Variants in KSR2 observed in about 807,000 individuals in gnomAD.
The protein encoded by KSR2 is kinase suppressor of ras 2.
A neutral mutation model predicts 107.8 loss-of-function variants in KSR2; 25 were observed. The ratio of observed to expected loss-of-function variants is 0.23; its 90% CI spans 0.17 to 0.32. The LOEUF (loss-of-function observed/expected upper bound fraction) is 0.32, where lower values mean the gene tolerates loss of function less well. KSR2 is among the 10% of genes least tolerant of loss of function. The pLI is 1.00. For synonymous variants in KSR2, 480 were observed against 507.0 expected (o/e 0.95, Z 0.71); for missense variants, 887 against 1,268.9 (o/e 0.70, Z 4.57).
chr12:117,924,060 T>G (rs552891904), intron 1 of KSR2, among the ~76,000 whole-genome samples: 31 of 151,426 alleles, frequency 2.0e-4, no homozygotes, highest in South Asian at 1.5e-3. Flanking sequence ...GTATTCTTAG[T>G]AGAGACGGGG....
chr12:117,936,532 A>G (rs1265596865), intron 1 of KSR2, among the ~76,000 whole-genome samples: 2 of 92,670 alleles, frequency 2.2e-5, no homozygotes, highest in Non-Finnish European at 4.4e-5. Context: ...TATTATTATT[A>G]TTAGTAGTAG....
At chr12:117,644,239 G>A (rs1013523311) in intron 5 of KSR2, among the ~76,000 whole-genome samples, 4 of 152,224 alleles carry the variant, frequency 2.6e-5, no homozygotes, top group South Asian at 2.1e-4. Flanking sequence ...TATGGCCCTA[G>A]CGAGGCCTCT....
At chr12:117,710,704 A>G (rs1886734481) in intron 4 of KSR2, among the ~76,000 whole-genome samples, 1 of 152,172 alleles carries the variant, frequency 6.6e-6, no homozygotes, top group Admixed American at 6.5e-5. Flanking sequence ...GAAGCTATAT[A>G]AAGCTTTTAG....
At chr12:117,778,390 C>G (rs920787168) in intron 3 of KSR2, among the ~76,000 whole-genome samples, 1 of 152,072 alleles carries the variant, frequency 6.6e-6, no homozygotes, top group South Asian at 2.1e-4. Context: ...TGCACCCGGC[C>G]GAAACAATCC....
At chr12:117,551,846 C>A (rs559895366) in intron 9 of KSR2, among the ~76,000 whole-genome samples, 1 of 152,244 alleles carries the variant, frequency 6.6e-6, no homozygotes, top group African/African-American at 2.4e-5. Flanking sequence ...TTTCCCTTAT[C>A]AAATTCTCCT....
At chr12:117,674,286 GGCTGCCGCTGCC>G in intron 4 of KSR2, 1 of 509,328 alleles carries the variant, frequency 2.0e-6, no homozygotes, top group Non-Finnish European at 3.9e-6. Context: ...TTCTCACCTG[GGCTGCCGCTGCC>G]TCCTCGCTGG....
chr12:117,576,655 C>T (rs1371476333), intron 7 of KSR2, among the ~76,000 whole-genome samples: 4 of 149,124 alleles, frequency 2.7e-5, no homozygotes, highest in Non-Finnish European at 5.9e-5. Flanking sequence ...TGCCATCACT[C>T]CTGGCTAATT....
At chr12:117,947,123 G>T (rs927808094) in intron 1 of KSR2, among the ~76,000 whole-genome samples, 1 of 150,548 alleles carries the variant, frequency 6.6e-6, no homozygotes, top group African/African-American at 2.4e-5. Context: ...AGCCCAGATC[G>T]CACCACTATA....
intron 10 of KSR2, among the ~76,000 whole-genome samples, chr12:117,533,774 G>A (rs1007286618): frequency 3.3e-5 from 5 of 152,178 alleles, no homozygotes; most frequent in Non-Finnish European, 7.3e-5. Context: ...TTTGGGCAAC[G>A]GAGAGCAGGA....
chr12:117,874,838 G>C (rs1387886555), intron 1 of KSR2, among the ~76,000 whole-genome samples: 2 of 152,044 alleles, frequency 1.3e-5, no homozygotes, highest in South Asian at 2.1e-4. Flanking sequence ...AAACCCAAAG[G>C]TTCCATCTTC....
At chr12:117,755,893 G>A (rs1193471225) in intron 4 of KSR2, among the ~76,000 whole-genome samples, 1 of 152,194 alleles carries the variant, frequency 6.6e-6, no homozygotes, top group South Asian at 2.1e-4. Context: ...CAGCCTTATT[G>A]CTGATACGGA....
At chr12:117,859,459 TTA>T (rs1219904904) in intron 2 of KSR2, among the ~76,000 whole-genome samples, 2,175 of 131,324 alleles carry the variant, frequency 0.017, 50 homozygotes, top group African/African-American at 0.065. Flanking sequence ...TGTTTTTTAT[TTA>T]TTTTTTTTTT....
chr12:117,585,019 T>C (rs186326887), intron 5 of KSR2, among the ~76,000 whole-genome samples: 5 of 152,346 alleles, frequency 3.3e-5, no homozygotes, highest in Admixed American at 6.5e-5. Flanking sequence ...TATCTGGCAA[T>C]GTCTGGGGAC....
At chr12:117,530,503 T>C (rs1444062523) in intron 12 of KSR2, among the ~76,000 whole-genome samples, 6 of 152,244 alleles carry the variant, frequency 3.9e-5, no homozygotes, top group African/African-American at 7.2e-5. Flanking sequence ...CCATGGGCTA[T>C]AGTTTGCTGA....
chr12:117,528,252 G>A (rs991073893), intron 12 of KSR2, among the ~76,000 whole-genome samples: 1 of 152,146 alleles, frequency 6.6e-6, no homozygotes, highest in African/African-American at 2.4e-5. Context: ...CATTTGACAT[G>A]TGATGGATGT....
chr12:117,746,859 A>C (rs1196668636), intron 4 of KSR2, among the ~76,000 whole-genome samples: 1 of 152,180 alleles, frequency 6.6e-6, no homozygotes, highest in African/African-American at 2.4e-5. Flanking sequence ...CATCAGAGAA[A>C]TGCAAATGAA....
At position 117,822,722 on chromosome 12, in the gene KSR2, AT is replaced by A. The variant is rs542226839; in HGVS notation, c.472+32705del. Reference sequence around the variant, plus strand: ...TATACAATGGGGTTTGTGTTAAATGATTTGGCTCAGGATCATGAGAGAGTAG... The same window carrying A: ...TATACAATGGGGTTTGTGTTAAATGATTGGCTCAGGATCATGAGAGAGTAG... On this transcript the variant is annotated intron_variant, in intron 3 of 19. Coordinates refer to ENST00000339824, the MANE Select transcript of KSR2 (RefSeq NM_173598.6). Among the ~76,000 whole-genome samples the A allele has an allele frequency of 1.2e-3, 189 of 152,308 alleles. 2 individuals are homozygous for A. The highest frequency in any genetic ancestry group is 3.8e-3 in the African/African-American group (160 of 41,574).
intron 4 of KSR2, among the ~76,000 whole-genome samples, chr12:117,737,519 G>C (rs187981232): frequency 1.3e-5 from 2 of 151,892 alleles, no homozygotes; most frequent in African/African-American, 2.4e-5. Flanking sequence ...GCGGTGGCTC[G>C]TGCCTGTAAT....
At chr12:117,485,023 G>T (rs1433490172) in intron 15 of KSR2, among the ~76,000 whole-genome samples, 1 of 152,154 alleles carries the variant, frequency 6.6e-6, no homozygotes, top group East Asian at 1.9e-4. Flanking sequence ...TCGTTCAAGG[G>T]CAAACATCTA....
Sources: gnomAD v4.1 joint callset for allele counts (sites outside exome capture counted in the v4.1 genomes callset) on GRCh38, gnomAD v4.1.1 for gene constraint, MANE v1.5 for transcripts, NCBI Gene and HGNC (gene_info 2026-07-23, HGNC 2026-07-21) for gene names.